The following TNRC18 variants were observed in gnomAD, a reference collection of about 807,000 sequenced individuals.
TNRC18 encodes trinucleotide repeat containing 18, also known as trinucleotide repeat-containing gene 18 protein.
A neutral mutation model predicts 226.7 loss-of-function variants in TNRC18; 69 were observed. That is an observed-to-expected ratio of 0.30 (90% CI 0.25 to 0.37). The LOEUF (loss-of-function observed/expected upper bound fraction) is 0.37, where lower values mean the gene tolerates loss of function less well. Ranked by LOEUF, TNRC18 falls within the 10% of genes least tolerant of loss-of-function variation. The pLI is 1.00. For missense variants in TNRC18, 4,754 were observed against 4,256.6 expected (o/e 1.12, Z -3.25); for synonymous variants, 2,449 against 1,927.6 (o/e 1.27, Z -7.09).
At chr7:5,326,363 G>A (rs1213226063) in intron 19 of TNRC18, among the ~76,000 whole-genome samples, 1 of 152,158 alleles carries the variant, frequency 6.6e-6, no homozygotes, top group Admixed American at 6.6e-5. Flanking sequence ...TTGAGCCAAG[G>A]TATGGAGAAA....
chr7:5,376,714 T>G, intron 8 of TNRC18, 133 bp downstream of exon 8: 1 of 1,094,564 alleles, frequency 9.1e-7, no homozygotes, highest in Non-Finnish European at 1.3e-6. Context: ...ATGTTCTCTC[T>G]GAACCCCGGT....
chr7:5,310,634 A>C (rs1787082053), intron 27 of TNRC18, among the ~76,000 whole-genome samples: 2 of 152,186 alleles, frequency 1.3e-5, no homozygotes, highest in South Asian at 4.1e-4. Context: ...TCCCAAGCTT[A>C]AGTGATCCTC....
At chr7:5,409,608 A>C (rs918341036) in intron 2 of TNRC18, among the ~76,000 whole-genome samples, 1 of 151,882 alleles carries the variant, frequency 6.6e-6, no homozygotes, top group African/African-American at 2.4e-5. Context: ...ATAATAATTA[A>C]ATCGAAAGGT....
Position 5,387,523 on chromosome 7 carries a change from G to A in TNRC18, c.2152+149C>T, listed in dbSNP as rs536077848. 1.3e-5 allele frequency: 15 copies of A among 1,151,920 alleles called. No homozygotes were observed. In the Admixed American group the frequency reaches 2.2e-4, roughly 17 times the overall value. 71.4% of individuals were successfully genotyped at this position (1,151,920 alleles called of 1,614,324 possible). On this transcript the variant is annotated intron_variant, in intron 5 of 29. Transcript: ENST00000430969. ...AGTGGAAAACTGAACCATGGTACATGCTCGCAACAGAACATTCAAGACCAT... is the reference window on the plus strand; with the variant it reads ...AGTGGAAAACTGAACCATGGTACATACTCGCAACAGAACATTCAAGACCAT...
chr7:5,388,817 G>A lies in TNRC18; in HGVS notation c.1007C>T (p.Pro336Leu), dbSNP rs888047713. ...CCCCTTGGGGGGCGCGGGCGGCGGG[G>A]GCAGCGGTGAGGGGCAGGGGCGCGG... ...PGPRPCPSPL[P>L]PPPAPPKGPP... Residue 336 changes from proline (P) to leucine (L), a missense_variant, in exon 5 of 30, where the codon CCC becomes CTC. Coordinates refer to ENST00000430969, the MANE Select transcript of TNRC18 (RefSeq NM_001080495.3). The A allele has an allele frequency of 7.6e-6, 9 of 1,191,128 alleles. No homozygotes were observed. Among genetic ancestry groups the A allele is most frequent in the South Asian group, 2.9e-5 (1 of 34,802 alleles). The allele number at this position is 1,191,128 out of a possible 1,614,324, so 73.8% of individuals were successfully genotyped here.
intron 18 of TNRC18, among the ~76,000 whole-genome samples, chr7:5,337,017 C>T (rs1252838992): frequency 1.3e-5 from 2 of 152,146 alleles, no homozygotes; most frequent in Admixed American, 6.5e-5. Context: ...CAGAAACTTG[C>T]AGATGTTGGG....
Position 5,377,555 on chromosome 7 carries a change from G to C in TNRC18, c.2277C>G (p.Asp759Glu). The stretch of plus-strand genomic sequence containing the variant: ...AGCTGGTAGGGTGCAGGCGGGCCAG[G>C]TCAGCCAGCTCCTTACTCTCTCTGG... ...KLLRESKELA[D>E]LARLHPTSCA... Residue 759 changes from aspartate to glutamate, a missense_variant, in exon 7 of 30, where the codon GAC becomes GAG. Transcript: ENST00000430969. The surrounding 1 kb of genome is among the most constrained non-coding windows in gnomAD (Gnocchi z 5.8). The C allele has an allele frequency of 1.3e-6, 2 of 1,585,676 alleles. No individual in the cohort carries two copies. The highest frequency in any genetic ancestry group is 8.6e-7 in the Non-Finnish European group (1 of 1,166,332).
At chr7:5,402,177 TCAAA>T (rs1781148672) in intron 2 of TNRC18, among the ~76,000 whole-genome samples, 1 of 58,458 alleles carries the variant, frequency 1.7e-5, no homozygotes, top group South Asian at 5.1e-4. Flanking sequence ...AGACTCTGTC[TCAAA>T]AAAAAAAAAA....
Position 5,345,790 on chromosome 7 carries a change from C to T in TNRC18, c.5491G>A (p.Asp1831Asn). The T allele has an allele frequency of 6.5e-7, 1 of 1,544,916 alleles. No homozygotes were observed. Among genetic ancestry groups the T allele is most frequent in the Non-Finnish European group, 8.7e-7 (1 of 1,146,662 alleles). ...TCCTCCTCGAGCTCCTCCTCCTCGT[C>T]CTCCTCCTCCGAGCTCTCATCTGGC... ...FDQDESSEEE[D>N]EEEELEEEDE... Residue 1831 changes from aspartate (D) to asparagine (N), a missense_variant, in exon 18 of 30, where the codon GAC becomes AAC. Coordinates refer to ENST00000430969, the MANE Select transcript of TNRC18 (RefSeq NM_001080495.3).
At chr7:5,335,160 G>A (rs549574500) in intron 18 of TNRC18, among the ~76,000 whole-genome samples, 54 of 151,594 alleles carry the variant, frequency 3.6e-4, no homozygotes, top group Non-Finnish European at 4.6e-4. Context: ...AAAATTAGCC[G>A]GGCATGGTGG....
At chr7:5,340,270 T>C (rs147141245) in intron 18 of TNRC18, among the ~76,000 whole-genome samples, 157 of 152,252 alleles carry the variant, frequency 1.0e-3, no homozygotes, top group African/African-American at 3.7e-3. Flanking sequence ...ATAGAGAAAG[T>C]TTGAGTGATC....
intron 18 of TNRC18, among the ~76,000 whole-genome samples, chr7:5,341,762 C>CAAAAAAAAAAAAAAAAAAAAAGAAA: frequency 1.1e-5 from 1 of 92,240 alleles, no homozygotes. Flanking sequence ...GACTCCGTCT[C>CAAAAAAAAAAAAAAAAAAAAAGAAA]AAAAAAAAAA....
intron 18 of TNRC18, 45 bp downstream of exon 18, chr7:5,345,517 G>GGGGGGGGGGGGGCCCCCCACCCC: frequency 2.6e-6 from 1 of 377,744 alleles, no homozygotes. Flanking sequence ...AATGGCGTCC[G>GGGGGGGGGGGGGCCCCCCACCCC]CCCCTCCCAC....
intron 19 of TNRC18, among the ~76,000 whole-genome samples, chr7:5,327,407 G>GTC (rs1223741286): frequency 7.1e-6 from 1 of 141,342 alleles, no homozygotes; most frequent in Non-Finnish European, 1.6e-5. Context: ...GTGTGTGTGT[G>GTC]TGTGTCTGTG....
chr7:5,323,473 G>A (rs199634522), intron 21 of TNRC18, among the ~76,000 whole-genome samples: 2 of 150,914 alleles, frequency 1.3e-5, no homozygotes, highest in African/African-American at 2.4e-5. Context: ...GGCAGCCCCA[G>A]GCTACAACCC....
intron 18 of TNRC18, among the ~76,000 whole-genome samples, chr7:5,343,574 T>C (rs1490425495): frequency 6.6e-6 from 1 of 152,128 alleles, no homozygotes; most frequent in Non-Finnish European, 1.5e-5. Flanking sequence ...AGGCGCATGC[T>C]ACCGTGCCTG....
Position 5,333,055 on chromosome 7 carries a change from C to G in TNRC18, c.5720-6G>C, listed in dbSNP as rs1198421032. ...GGTGTACTCGAACTCTGTGCCTGAA[C>G]GCGGGAGGAGGGCGTGCTGGTCACA... On this transcript the variant is annotated splice_polypyrimidine_tract_variant and splice_region_variant and intron_variant, in intron 18 of 29. Coordinates refer to ENST00000430969, the MANE Select transcript of TNRC18 (RefSeq NM_001080495.3). 1.9e-6 allele frequency: 3 copies of G among 1,568,832 alleles called. No individual in the cohort carries two copies. The African/African-American group carries it at 4.0e-5, about 21-fold the overall frequency.
At chr7:5,326,126 C>A (rs1477398697) in intron 19 of TNRC18, among the ~76,000 whole-genome samples, 3 of 152,066 alleles carry the variant, frequency 2.0e-5, no homozygotes, top group Non-Finnish European at 4.4e-5. Context: ...CAGTGACCCT[C>A]CTACCAACTC....
At chr7:5,326,993 A>ATG in intron 19 of TNRC18, among the ~76,000 whole-genome samples, 1 of 151,878 alleles carries the variant, frequency 6.6e-6, no homozygotes, top group East Asian at 2.0e-4. Flanking sequence ...GCATGGTGGC[A>ATG]CACGCCTGTA....
Sources: gnomAD v4.1 joint callset for allele counts (sites outside exome capture counted in the v4.1 genomes callset) on GRCh38, gnomAD v4.1.1 for gene constraint, Gnocchi (gnomAD v3.1) non-coding constraint, MANE v1.5 for transcripts, NCBI Gene and HGNC (gene_info 2026-07-23, HGNC 2026-07-21) for gene names.